CSMD1: variants seen among roughly 807,000 people sequenced by gnomAD.
CSMD1 encodes the protein CUB and sushi domain-containing protein 1.
Under a neutral mutation model 417.5 loss-of-function variants are expected in CSMD1, and 213 were observed. The observed-to-expected ratio is 0.51, with a 90% CI of 0.46 to 0.57. The LOEUF is 0.57. Ranked by LOEUF, CSMD1 falls within the 20% of genes least tolerant of loss-of-function variation. CSMD1 has a pLI of 0.00. For missense variants in CSMD1, 6,923 were observed against 4,529.7 expected, an observed-to-expected ratio of 1.53 and a Z score of -15.17; for synonymous variants, 2,862 against 1,736.8, an observed-to-expected ratio of 1.65 and a Z score of -16.11.
intron 5 of CSMD1, among the ~76,000 whole-genome samples, chr8:3,888,368 T>C (rs1294762396): frequency 6.6e-6 from 1 of 152,214 alleles, no homozygotes; most frequent in East Asian, 1.9e-4. Flanking sequence ...AGATGAGCTC[T>C]AAACAAGCTT....
At chr8:4,359,350 C>T (rs1026968600) in intron 3 of CSMD1, among the ~76,000 whole-genome samples, 1 of 152,206 alleles carries the variant, frequency 6.6e-6, no homozygotes, top group Non-Finnish European at 1.5e-5. Flanking sequence ...TATCTAAACA[C>T]TATAATTATC....
intron 10 of CSMD1, among the ~76,000 whole-genome samples, chr8:3,553,460 A>T (rs898242669): frequency 6.6e-6 from 1 of 152,182 alleles, no homozygotes; most frequent in East Asian, 1.9e-4. Flanking sequence ...CTTCCCTACT[A>T]TGAAAAAAAT....
intron 5 of CSMD1, among the ~76,000 whole-genome samples, chr8:3,851,875 G>C (rs76213971): frequency 0.015 from 2,282 of 152,254 alleles, 51 homozygotes; most frequent in African/African-American, 0.049. Flanking sequence ...TGCAAAGCCA[G>C]TGGGCTCCAT....
chr8:4,518,585 G>GA (rs1455741395), intron 2 of CSMD1, among the ~76,000 whole-genome samples: 1 of 140,666 alleles, frequency 7.1e-6, no homozygotes, highest in Non-Finnish European at 1.5e-5. Flanking sequence ...ATGGACACAG[G>GA]AAGGGGAACA....
intron 3 of CSMD1, among the ~76,000 whole-genome samples, chr8:4,144,885 C>G (rs1228406739): frequency 6.6e-6 from 1 of 150,880 alleles, no homozygotes; most frequent in African/African-American, 2.5e-5. Context: ...TGAAATAGAA[C>G]TAAAAAATAG....
chr8:3,857,609 G>A (rs1414531449), intron 5 of CSMD1, among the ~76,000 whole-genome samples: 1 of 152,242 alleles, frequency 6.6e-6, no homozygotes, highest in East Asian at 1.9e-4. Context: ...TTGTGGTGGG[G>A]CCAGGTGGAG....
intron 12 of CSMD1, among the ~76,000 whole-genome samples, chr8:3,443,787 A>C (rs2117072770): frequency 6.6e-6 from 1 of 152,354 alleles, no homozygotes; most frequent in South Asian, 2.1e-4. Flanking sequence ...ATTGGGAGAC[A>C]TGAAGTGTAA....
intron 1 of CSMD1, among the ~76,000 whole-genome samples, chr8:4,744,147 T>C (rs753050452): frequency 6.6e-6 from 1 of 152,172 alleles, no homozygotes; most frequent in Non-Finnish European, 1.5e-5. Flanking sequence ...CCAATTTCTT[T>C]GGGTTCCCTA....
chr8:3,704,109 T>G (rs1293508997), intron 7 of CSMD1, among the ~76,000 whole-genome samples: 2 of 152,086 alleles, frequency 1.3e-5, no homozygotes, highest in Non-Finnish European at 2.9e-5. Flanking sequence ...TCTTAAGTCT[T>G]ATAATTAGAG....
chr8:4,194,206 T>C (rs1799200417), intron 3 of CSMD1, among the ~76,000 whole-genome samples: 1 of 152,170 alleles, frequency 6.6e-6, no homozygotes, highest in African/African-American at 2.4e-5. Context: ...CACTACTAAA[T>C]TTCTTTCGTC....
chr8:3,969,143 G>C lies in CSMD1; in HGVS notation c.818+28760C>G, dbSNP rs184373530. On this transcript the variant is annotated intron_variant, in intron 5 of 69. Transcript: ENST00000635120. ...GCATATGCCTGTAATGTTACTACTC[G>C]AGAGGCTGAGGGAGGAGAATTGCTT... Among the ~76,000 whole-genome samples, 1,006 of 152,206 alleles carry C rather than the reference G, an allele frequency of 6.6e-3. 8 individuals are homozygous for C. The highest frequency in any genetic ancestry group is 9.4e-3 in the Non-Finnish European group (641 of 68,008).
intron 1 of CSMD1, among the ~76,000 whole-genome samples, chr8:4,814,751 G>A (rs1027803478): frequency 3.3e-5 from 5 of 152,066 alleles, no homozygotes; most frequent in African/African-American, 1.2e-4. Flanking sequence ...CTAACATTGA[G>A]ATCATTGATA....
At chr8:4,275,171 C>A (rs117488739) in intron 3 of CSMD1, among the ~76,000 whole-genome samples, 1 of 151,980 alleles carries the variant, frequency 6.6e-6, no homozygotes, top group African/African-American at 2.4e-5. Flanking sequence ...GTTACATTTT[C>A]TGGGGTTTTT....
intron 25 of CSMD1, among the ~76,000 whole-genome samples, chr8:3,299,217 C>T (rs565844633): frequency 4.6e-5 from 7 of 152,084 alleles, no homozygotes; most frequent in South Asian, 2.1e-4. Context: ...TTTGGGAGGC[C>T]GAGGTGGGTG....
chr8:4,342,941 T>C (rs1800564130), intron 3 of CSMD1, among the ~76,000 whole-genome samples: 1 of 152,076 alleles, frequency 6.6e-6, no homozygotes. Context: ...CACTGATCTG[T>C]AAGTTTCAGA....
intron 2 of CSMD1, among the ~76,000 whole-genome samples, chr8:4,432,496 C>G (rs2128947928): frequency 6.6e-6 from 1 of 152,274 alleles, no homozygotes; most frequent in South Asian, 2.1e-4. Context: ...GGGGTGTCTA[C>G]TAACTGCTGG....
intron 5 of CSMD1, among the ~76,000 whole-genome samples, chr8:3,925,483 G>A (rs987490467): frequency 6.6e-6 from 1 of 152,180 alleles, no homozygotes; most frequent in Non-Finnish European, 1.5e-5. Context: ...ATAATGCTGG[G>A]TGGTAAGACA....
intron 3 of CSMD1, among the ~76,000 whole-genome samples, chr8:4,319,079 T>C (rs1460376236): frequency 6.6e-6 from 1 of 152,188 alleles, no homozygotes; most frequent in African/African-American, 2.4e-5. Context: ...TCATTAGTAG[T>C]CCTCACATAT....
At chr8:4,071,126 T>C (rs1032233937) in intron 3 of CSMD1, among the ~76,000 whole-genome samples, 6 of 151,906 alleles carry the variant, frequency 3.9e-5, no homozygotes, top group Admixed American at 2.6e-4. Flanking sequence ...TTTTTTTTTC[T>C]TTTTTTTCCA....
Sources: gnomAD v4.1 joint callset for allele counts (sites outside exome capture counted in the v4.1 genomes callset) on GRCh38, gnomAD v4.1.1 for gene constraint, MANE v1.5 for transcripts, NCBI Gene and HGNC (gene_info 2026-07-23, HGNC 2026-07-21) for gene names.